Variants in SPECC1 observed in about 807,000 individuals in gnomAD.
The protein encoded by SPECC1 is cytospin-B.
In SPECC1, 62 loss-of-function variants were observed where a neutral mutation model predicts 104.1. The ratio of observed to expected loss-of-function variants is 0.60; its 90% CI spans 0.49 to 0.74. SPECC1 has a LOEUF of 0.74. Among genes scored for constraint, SPECC1 ranks in the 30% least tolerant of loss-of-function variants. The pLI is 0.00. For synonymous variants in SPECC1, 513 were observed against 501.6 expected, an observed-to-expected ratio of 1.02 and a Z score of -0.30; for missense variants, 1,306 against 1,310.5, an observed-to-expected ratio of 1.00 and a Z score of 0.05.
intron 3 of SPECC1, among the ~76,000 whole-genome samples, chr17:20,147,956 CAT>C (rs1267941736): frequency 5.3e-5 from 8 of 152,010 alleles, no homozygotes; most frequent in African/African-American, 1.7e-4. Context: ...GTGGGAGGAT[CAT>C]TTGAGCCCAG....
intron 3 of SPECC1, among the ~76,000 whole-genome samples, chr17:20,149,337 G>A (rs1212930537): frequency 6.6e-6 from 1 of 152,174 alleles, no homozygotes; most frequent in Non-Finnish European, 1.5e-5. Flanking sequence ...TCGTGTCAGG[G>A]AACTTGGATT....
Position 20,096,698 on chromosome 17 carries a change from G to C in SPECC1, c.47G>C (p.Gly16Ala). ...KPWNPAIRAG[G>A]HGPDRVRPLP... The stretch of plus-strand genomic sequence containing the variant: ...TGGAACCCAGCCATCAGAGCAGGGG[G>C]CCACGGCCCAGACCGGGTGCGGCCT... The change falls in exon 2 of 15, where the codon GGC (glycine) becomes GCC (alanine). Residue 16 changes from glycine to alanine, a missense_variant. This residue lies in a region of SPECC1 where 1,177 missense variants were observed against 1,139.9 expected (regional missense o/e 1.03). Coordinates refer to ENST00000395527, the MANE Select transcript of SPECC1 (RefSeq NM_001243439.2). The C allele has an allele frequency of 6.2e-7, 1 of 1,614,186 alleles. No homozygotes were observed. Among genetic ancestry groups the C allele is most frequent in the Non-Finnish European group, 8.5e-7 (1 of 1,180,010 alleles).
At chr17:20,129,191 G>GTTT (rs534899612) in intron 3 of SPECC1, among the ~76,000 whole-genome samples, 1 of 126,868 alleles carries the variant, frequency 7.9e-6, no homozygotes, top group Non-Finnish European at 1.7e-5. Flanking sequence ...GTTTTTTTTT[G>GTTT]TTTTTTTTTT....
chr17:20,232,918 A>G (rs530187011), intron 7 of SPECC1, among the ~76,000 whole-genome samples: 1 of 152,320 alleles, frequency 6.6e-6, no homozygotes, highest in Non-Finnish European at 1.5e-5. Context: ...TTAAAAAAGG[A>G]TGAGAGTAGA....
chr17:20,047,814 G>T (rs1464494769), intron 1 of SPECC1, among the ~76,000 whole-genome samples: 6 of 151,972 alleles, frequency 3.9e-5, no homozygotes, highest in Non-Finnish European at 8.8e-5. Context: ...AGCCAGGATG[G>T]TCTCGATCTC....
At chr17:20,255,162 A>G (rs897701038) in intron 10 of SPECC1, among the ~76,000 whole-genome samples, 1 of 152,196 alleles carries the variant, frequency 6.6e-6, no homozygotes, top group Non-Finnish European at 1.5e-5. Flanking sequence ...CCAAGTCATG[A>G]TAGTGACTTC....
At chr17:20,252,400 T>G (rs2039666451) in intron 9 of SPECC1, among the ~76,000 whole-genome samples, 1 of 152,078 alleles carries the variant, frequency 6.6e-6, no homozygotes, top group Non-Finnish European at 1.5e-5. Flanking sequence ...CCCAACAGGT[T>G]TTCAGTGCTT....
intron 3 of SPECC1, among the ~76,000 whole-genome samples, chr17:20,203,572 C>T (rs943070866): frequency 1.3e-5 from 2 of 152,200 alleles, no homozygotes; most frequent in Admixed American, 6.5e-5. Context: ...CCACTTACGG[C>T]AAAAGTGATA....
intron 12 of SPECC1, among the ~76,000 whole-genome samples, chr17:20,269,625 C>T (rs985442571): frequency 4.6e-5 from 7 of 152,200 alleles, no homozygotes; most frequent in East Asian, 1.9e-4. Flanking sequence ...CTGCCTGCTT[C>T]GGCCTCCCAA....
chr17:20,231,815 T>G lies in SPECC1; in HGVS notation c.2129T>G (p.Leu710Arg). 1 of 1,614,118 alleles carries G rather than the reference T, an allele frequency of 6.2e-7. No individual in the cohort carries two copies. Among genetic ancestry groups the G allele is most frequent in the Non-Finnish European group, 8.5e-7 (1 of 1,180,000 alleles). Residue 710 changes from leucine (L) to arginine (R), a missense_variant, in exon 6 of 15, where the codon CTG becomes CGG. Physicochemically the swap from Leu to Arg is moderately radical, Grantham distance 102 (BLOSUM62 -2). Around this residue, in one of 2 missense-constraint regions of SPECC1, gnomAD observed 1,177 missense variants for 1,139.9 expected, o/e 1.03. Transcript: ENST00000395527. Reference sequence around the variant, plus strand: ...GACCTGGAGAGGCAGCTGAAGACTCTGACCAAGCAGATGAAGGTGAGATGC... The same window carrying G: ...GACCTGGAGAGGCAGCTGAAGACTCGGACCAAGCAGATGAAGGTGAGATGC... ...KSDLERQLKTLTKQMKEETEE... is the reference protein window; with the variant it reads ...KSDLERQLKTRTKQMKEETEE...
rs114440549 is a variant in SPECC1 at position 20,030,019 on chromosome 17, A to G, written c.-22+20595A>G. 4.4e-3 allele frequency among the ~76,000 whole-genome samples: 670 copies of G among 152,220 alleles called. 4 individuals are homozygous for G. Among genetic ancestry groups the G allele is most frequent in the African/African-American group, 0.015 (629 of 41,542 alleles). ...TGGAAGCTGGAAGAGACAAGGGAGG[A>G]TTCTTTCCTAGAGCCTTCACAGGGA... On this transcript the variant is annotated intron_variant, in intron 1 of 14. Coordinates refer to ENST00000395527, the MANE Select transcript of SPECC1 (RefSeq NM_001243439.2).
intron 3 of SPECC1, among the ~76,000 whole-genome samples, chr17:20,179,032 A>T (rs1389334116): frequency 6.6e-6 from 1 of 152,278 alleles, no homozygotes; most frequent in Non-Finnish European, 1.5e-5. Context: ...TAAGGAACTA[A>T]TATAAATCTT....
rs576793320 is a variant in SPECC1, at chr17:20,316,662, G to A, written c.*2597G>A. ...TGGGATTACAGGCATGAGCCACTGA[G>A]CCCGGCTGTTTTTTTGTGTTTTTTT... On this transcript the variant is annotated 3_prime_UTR_variant, in exon 15 of 15. Coordinates refer to ENST00000395527, the MANE Select transcript of SPECC1 (RefSeq NM_001243439.2). 3.3e-4 allele frequency: 62 copies of A among 186,434 alleles called. No homozygotes were observed. Among genetic ancestry groups the A allele is most frequent in the African/African-American group, 1.4e-3 (58 of 42,476 alleles). 11.5% of individuals were successfully genotyped at this position (186,434 alleles called of 1,614,324 possible). A position where few individuals can be genotyped will look rare whatever the true frequency, so the allele number is the denominator to read the frequency against.
chr17:20,231,656 C>T (rs894783521), intron 5 of SPECC1, 102 bp from the exon 6 acceptor site: 3 of 988,812 alleles, frequency 3.0e-6, no homozygotes, highest in Non-Finnish European at 4.8e-6. Flanking sequence ...ATTTGGATGC[C>T]TGTTGTGGCA....
intron 2 of SPECC1, among the ~76,000 whole-genome samples, chr17:20,104,446 A>G (rs562586240): frequency 2.6e-5 from 4 of 152,282 alleles, no homozygotes; most frequent in African/African-American, 9.6e-5. Flanking sequence ...TAGGTGATTC[A>G]AATTCTCTTT....
At chr17:20,223,995 T>C (rs1369496979) in intron 4 of SPECC1, among the ~76,000 whole-genome samples, 3 of 152,314 alleles carry the variant, frequency 2.0e-5, no homozygotes, top group East Asian at 1.9e-4. Context: ...TTTCCAGATA[T>C]TCAAAGGGAA....
chr17:20,099,694 CAAAAAAAAAAAA>C (rs768172798), intron 2 of SPECC1, among the ~76,000 whole-genome samples: 6 of 17,432 alleles, frequency 3.4e-4, no homozygotes, highest in Non-Finnish European at 5.9e-4. Context: ...CACTCTATCT[CAAAAAAAAAAAA>C]AAAAAAAAAA....
chr17:20,076,007 G>T (rs1407855402), intron 1 of SPECC1, among the ~76,000 whole-genome samples: 2 of 152,060 alleles, frequency 1.3e-5, no homozygotes, highest in Non-Finnish European at 2.9e-5. Flanking sequence ...TTGCATGCCT[G>T]CAGTCCCAGC....
At chr17:20,139,467 TA>T (rs1457553488) in intron 3 of SPECC1, among the ~76,000 whole-genome samples, 1 of 152,232 alleles carries the variant, frequency 6.6e-6, no homozygotes, top group African/African-American at 2.4e-5. Context: ...TCATGGATCT[TA>T]CATTTCATTC....
Sources: gnomAD v4.1 joint callset for allele counts (sites outside exome capture counted in the v4.1 genomes callset) on GRCh38, gnomAD v4.1.1 for gene constraint, gnomAD v4.1.1 regional missense constraint, MANE v1.5 for transcripts, NCBI Gene and HGNC (gene_info 2026-07-23, HGNC 2026-07-21) for gene names.